Variants in CFH observed in about 807,000 individuals in gnomAD.
The protein encoded by CFH is H factor 1 (complement).
A neutral mutation model predicts 147.3 loss-of-function variants in CFH; 53 were observed. The ratio of observed to expected loss-of-function variants is 0.36; its 90% CI spans 0.29 to 0.45. CFH has a LOEUF of 0.45. Among genes scored for constraint, CFH ranks in the 20% least tolerant of loss-of-function variants. The pLI, the probability that CFH is intolerant of heterozygous loss-of-function variation, is 1.00. For missense variants in CFH, 1,380 were observed against 1,498.0 expected (o/e 0.92, Z 1.30); for synonymous variants, 536 against 489.4 (o/e 1.10, Z -1.26).
intron 1 of CFH, among the ~76,000 whole-genome samples, chr1:196,667,751 CTTCTT>C (rs908220712): frequency 4.6e-5 from 7 of 152,072 alleles, no homozygotes; most frequent in African/African-American, 1.7e-4. Context: ...ATTTTTCTCT[CTTCTT>C]TTCCTGCCTT....
At chr1:196,746,356 C>T (rs1238086334) in intron 21 of CFH, among the ~76,000 whole-genome samples, 2 of 152,124 alleles carry the variant, frequency 1.3e-5, no homozygotes, top group Non-Finnish European at 2.9e-5. Flanking sequence ...GAGTCTGAGG[C>T]AGGAAAATGG....
chr1:196,746,048 T>C lies in CFH; in HGVS notation c.3493+49T>C, dbSNP rs199621233. On this transcript the variant is annotated intron_variant, in intron 21 of 21. Transcript: ENST00000367429. The stretch of plus-strand genomic sequence containing the variant: ...GCTGGAAAAATCTCTGTGATGAGTC[T>C]GATATTTCACTGTTTGTAACAAAAT... 1.8e-5 allele frequency: 29 copies of C among 1,613,080 alleles called. No individual in the cohort carries two copies. In the South Asian group the frequency reaches 3.2e-4, roughly 18 times the overall value.
At chr1:196,693,955 GGTGTGTGTGT>G (rs71567586) in intron 9 of CFH, among the ~76,000 whole-genome samples, 2,048 of 142,752 alleles carry the variant, frequency 0.014, 51 homozygotes, top group African/African-American at 0.05. Context: ...TTAGATAAAT[GGTGTGTGTGT>G]GTGTGTGTGT....
chr1:196,723,538 T>A (rs35566405), intron 11 of CFH, among the ~76,000 whole-genome samples: 1 of 152,206 alleles, frequency 6.6e-6, no homozygotes, highest in Non-Finnish European at 1.5e-5. Context: ...GGACAGTAGG[T>A]GGCACGGACA....
chr1:196,690,363 CTATT>C (rs778412708), intron 9 of CFH, 124 bp downstream of exon 9: 2 of 1,415,460 alleles, frequency 1.4e-6, no homozygotes, highest in Non-Finnish European at 2.0e-6. Flanking sequence ...ACCAATGGAC[CTATT>C]TAGTTTTTGG....
At chr1:196,692,453 C>T (rs1432164825) in intron 9 of CFH, 2 of 569,842 alleles carry the variant, frequency 3.5e-6, no homozygotes, top group Middle Eastern at 9.0e-4. Flanking sequence ...AACGTTTATG[C>T]CTCTTGGTTT....
At position 196,745,926 on chromosome 1, in the gene CFH, C is replaced by A; in HGVS notation, c.3420C>A (p.Asn1140Lys). The A allele has an allele frequency of 6.2e-7, 1 of 1,614,102 alleles. No individual in the cohort carries two copies. The highest frequency in any genetic ancestry group is 8.5e-7 in the Non-Finnish European group (1 of 1,180,010). The change falls in exon 21 of 22, where the codon AAC becomes AAA. Residue 1140 changes from asparagine to lysine, a missense_variant. Physicochemically the swap from Asn to Lys is moderately conservative, Grantham distance 94 (BLOSUM62 0). Around this residue, in one of 4 missense-constraint regions of CFH, gnomAD observed 123 missense variants for 185.3 expected, o/e 0.66. Transcript: ENST00000367429. ...PASSVEYQCQ[N>K]LYQLEGNKRI... is the part of the protein sequence containing the mutation. ...CATCAGTTGAGTACCAATGCCAGAACTTGTATCAACTTGAGGGTAACAAGC... is the reference window on the plus strand; with the variant it reads ...CATCAGTTGAGTACCAATGCCAGAAATTGTATCAACTTGAGGGTAACAAGC...
intron 11 of CFH, among the ~76,000 whole-genome samples, chr1:196,723,229 A>G (rs1482665714): frequency 6.6e-6 from 1 of 152,070 alleles, no homozygotes. Flanking sequence ...CCAGTTTCCA[A>G]CAGACAGGAT....
intron 3 of CFH, among the ~76,000 whole-genome samples, chr1:196,675,133 C>T (rs1667412145): frequency 6.6e-6 from 1 of 152,060 alleles, no homozygotes; most frequent in Non-Finnish European, 1.5e-5. Flanking sequence ...AGGCTTGTGT[C>T]CTCTCTTTAA....
intron 10 of CFH, 147 bp downstream of exon 10, chr1:196,714,064 T>C (rs1418692704): frequency 1.7e-4 from 116 of 697,530 alleles, no homozygotes; most frequent in Admixed American, 1.6e-4. Context: ...CAATTTTTTT[T>C]CCTTTTCACA....
chr1:196,735,799 A>G (rs966980437), intron 15 of CFH, among the ~76,000 whole-genome samples: 37 of 152,258 alleles, frequency 2.4e-4, no homozygotes, highest in Non-Finnish European at 4.9e-4. Flanking sequence ...CTTTTGATAA[A>G]TATGAAATAC....
chr1:196,701,287 G>C (rs1668441028), intron 9 of CFH: 3 of 1,613,708 alleles, frequency 1.9e-6, no homozygotes, highest in Non-Finnish European at 2.5e-6. Context: ...GCCTAACTCA[G>C]GGTAATCATC....
At chr1:196,714,525 T>C (rs1417143412) in intron 10 of CFH, among the ~76,000 whole-genome samples, 11 of 149,956 alleles carry the variant, frequency 7.3e-5, no homozygotes, top group Non-Finnish European at 1.5e-4. Flanking sequence ...CCACACTATC[T>C]AGATATTTAT....
At chr1:196,699,400 C>T (rs184487425) in intron 9 of CFH, among the ~76,000 whole-genome samples, 14 of 152,226 alleles carry the variant, frequency 9.2e-5, no homozygotes, top group Admixed American at 2.6e-4. Context: ...TCTTCCATTA[C>T]GGAATTTTGA....
intron 9 of CFH, among the ~76,000 whole-genome samples, chr1:196,694,885 T>A (rs1306212107): frequency 6.6e-6 from 1 of 152,240 alleles, no homozygotes. Flanking sequence ...TTTAAGTTCC[T>A]TGTAGATTCT....
intron 9 of CFH, among the ~76,000 whole-genome samples, chr1:196,693,191 GA>G (rs1397806540): frequency 6.6e-6 from 1 of 151,928 alleles, no homozygotes; most frequent in African/African-American, 2.4e-5. Flanking sequence ...AGAATATGCA[GA>G]AAAAATTAAA....
At chr1:196,724,472 G>T (rs569018857) in intron 11 of CFH, among the ~76,000 whole-genome samples, 73 of 152,112 alleles carry the variant, frequency 4.8e-4, no homozygotes, top group Non-Finnish European at 9.9e-4. Flanking sequence ...AGACAGAAGA[G>T]CTCTCTGATG....
At chr1:196,712,125 T>C (rs563564680) in intron 9 of CFH, among the ~76,000 whole-genome samples, 3 of 152,244 alleles carry the variant, frequency 2.0e-5, no homozygotes, top group African/African-American at 7.2e-5. Context: ...TCATTGTCAC[T>C]TTTTCTCTGG....
At chr1:196,708,175 A>T (rs1285490587) in intron 9 of CFH, among the ~76,000 whole-genome samples, 1 of 152,206 alleles carries the variant, frequency 6.6e-6, no homozygotes, top group Non-Finnish European at 1.5e-5. Flanking sequence ...CTGTAGTTCA[A>T]CTGTTTCAAG....
Sources: gnomAD v4.1 joint callset for allele counts (sites outside exome capture counted in the v4.1 genomes callset) on GRCh38, gnomAD v4.1.1 for gene constraint, gnomAD v4.1.1 regional missense constraint, MANE v1.5 for transcripts, NCBI Gene and HGNC (gene_info 2026-07-23, HGNC 2026-07-21) for gene names.